QSER1: variants seen among roughly 807,000 people sequenced by gnomAD.
The protein encoded by QSER1 is glutamine and serine-rich protein 1.
QSER1 carries 49 observed loss-of-function variants against 158.5 expected under a neutral mutation model. That is an observed-to-expected ratio of 0.31 (90% CI 0.25 to 0.39). QSER1 has a LOEUF of 0.39. QSER1 is among the 10% of genes least tolerant of loss of function. The probability of loss-of-function intolerance (pLI) is 1.00; values close to 1 mark genes in which losing one functional copy is unlikely to be tolerated. For missense variants in QSER1, 1,754 were observed against 2,010.3 expected, an observed-to-expected ratio of 0.87 and a Z score of 2.44; for synonymous variants, 650 against 715.5, an observed-to-expected ratio of 0.91 and a Z score of 1.46.
At chr11:32,910,019 G>A (rs77493031) in intron 1 of QSER1, among the ~76,000 whole-genome samples, 2,829 of 152,238 alleles carry the variant, frequency 0.019, 44 homozygotes, top group South Asian at 0.038. Flanking sequence ...TGCCCACAAG[G>A]TTTTCCATGT....
rs765967014 is a variant in QSER1, at chr11:32,953,896, C to G, written c.4217C>G (p.Thr1406Ser). 1.9e-6 allele frequency: 3 copies of G among 1,613,992 alleles called. No homozygotes were observed. The highest frequency in any genetic ancestry group is 2.5e-6 in the Non-Finnish European group (3 of 1,179,984). ...GCAACTACTAGCCCAACTGCCAATA[C>G]TACTGGTACTGCTACTACTTCCTCA... ...QVATTSPTAN[T>S]TGTATTSSTT... is the part of the protein sequence containing the mutation. Residue 1406 changes from threonine to serine, a missense_variant, in exon 5 of 13, where the codon ACT becomes AGT. Thr to Ser is a moderately conservative substitution (Grantham distance 58). Coordinates refer to ENST00000650167, the MANE Select transcript of QSER1 (RefSeq NM_001076786.3).
intron 4 of QSER1, among the ~76,000 whole-genome samples, chr11:32,938,004 G>T (rs1003143681): frequency 3.3e-5 from 5 of 152,142 alleles, no homozygotes; most frequent in African/African-American, 1.2e-4. Context: ...TTCAATGAAA[G>T]CATTTACTTT....
chr11:32,956,955 G>A (rs996226801), intron 7 of QSER1, among the ~76,000 whole-genome samples: 2 of 151,704 alleles, frequency 1.3e-5, no homozygotes, highest in Non-Finnish European at 2.9e-5. Flanking sequence ...TATAGGGATG[G>A]GATTTTACCA....
intron 4 of QSER1, among the ~76,000 whole-genome samples, chr11:32,946,127 T>G (rs1178368188): frequency 6.6e-6 from 1 of 152,060 alleles, no homozygotes; most frequent in African/African-American, 2.4e-5. Flanking sequence ...TTATTCTAGT[T>G]ATACATTCTT....
intron 1 of QSER1, among the ~76,000 whole-genome samples, chr11:32,924,832 C>G (rs1851947113): frequency 6.6e-6 from 1 of 152,098 alleles, no homozygotes; most frequent in Non-Finnish European, 1.5e-5. Context: ...ATCCTGTCAC[C>G]TGGGTACTGA....
chr11:32,938,023 A>C (rs1483207031), intron 4 of QSER1, among the ~76,000 whole-genome samples: 1 of 152,214 alleles, frequency 6.6e-6, no homozygotes, highest in Non-Finnish European at 1.5e-5. Context: ...TTTGTGTTTT[A>C]ATGTGTTCAT....
chr11:32,956,592 G>A (rs1243229221), intron 7 of QSER1, among the ~76,000 whole-genome samples: 1 of 152,188 alleles, frequency 6.6e-6, no homozygotes, highest in East Asian at 1.9e-4. Context: ...GGGTTGTCTG[G>A]AGCATGAATC....
intron 4 of QSER1, 144 bp from the exon 5 acceptor site, chr11:32,953,713 G>A (rs1852462883): frequency 1.1e-5 from 10 of 924,030 alleles, no homozygotes; most frequent in Non-Finnish European, 1.6e-5. Context: ...AACATCTGTT[G>A]TCTAATTTCT....
At chr11:32,957,138 T>TTTTTTCTTTC (rs1852530359) in intron 7 of QSER1, among the ~76,000 whole-genome samples, 1 of 148,390 alleles carries the variant, frequency 6.7e-6, no homozygotes, top group South Asian at 2.2e-4. Flanking sequence ...TTTTTTCTTT[T>TTTTTTCTTTC]TTTTTTTTTT....
intron 1 of QSER1, among the ~76,000 whole-genome samples, chr11:32,917,285 C>T (rs1851844990): frequency 6.6e-6 from 1 of 152,130 alleles, no homozygotes; most frequent in Non-Finnish European, 1.5e-5. Flanking sequence ...ATTGTTTCCA[C>T]CTTTTGACTA....
intron 8 of QSER1, 64 bp from the exon 9 acceptor site, chr11:32,966,236 G>C (rs1852744591): frequency 3.2e-6 from 5 of 1,548,064 alleles, no homozygotes; most frequent in Middle Eastern, 1.7e-4. Context: ...TCTCGTTATA[G>C]AGAAAAGTGT....
At position 32,957,986 on chromosome 11, in the gene QSER1, T is replaced by C. The variant is rs761038594; in HGVS notation, c.4869T>C (p.Ala1623=). The C allele has an allele frequency of 1.2e-6, 2 of 1,614,002 alleles. No homozygotes were observed. The highest frequency in any genetic ancestry group is 3.3e-5 in the Admixed American group (2 of 60,006). ...KPKVKQPKVK[A]EPPPKKRKKW... is the part of the protein sequence containing the mutation. Reference sequence around the variant, plus strand: ...AAGTTAAACAGCCAAAAGTAAAGGCTGAGCCACCACCAAAGAAACGGAAAA... The same window carrying C: ...AAGTTAAACAGCCAAAAGTAAAGGCCGAGCCACCACCAAAGAAACGGAAAA... The change falls in exon 8 of 13, where the codon GCT becomes GCC. Residue 1623 remains alanine (A), a synonymous_variant. Transcript: ENST00000650167.
intron 1 of QSER1, among the ~76,000 whole-genome samples, chr11:32,918,325 G>A (rs1307725616): frequency 6.6e-6 from 1 of 152,104 alleles, no homozygotes; most frequent in Admixed American, 6.6e-5. Context: ...CATATAGTAT[G>A]TTGAGTGTTT....
At chr11:32,911,664 C>T (rs928547841) in intron 1 of QSER1, among the ~76,000 whole-genome samples, 2 of 152,190 alleles carry the variant, frequency 1.3e-5, no homozygotes, top group African/African-American at 4.8e-5. Context: ...GTGGCAGTTT[C>T]CCTTGCACTT....
At chr11:32,973,362 T>C in intron 10 of QSER1, 35 bp from the exon 11 acceptor site, 1 of 1,609,658 alleles carries the variant, frequency 6.2e-7, no homozygotes, top group Non-Finnish European at 8.5e-7. Context: ...TTAGTTTTCT[T>C]CTGGTGTCAG....
At chr11:32,949,832 T>TA (rs1335379451) in intron 4 of QSER1, among the ~76,000 whole-genome samples, 2 of 152,160 alleles carry the variant, frequency 1.3e-5, no homozygotes, top group Non-Finnish European at 2.9e-5. Context: ...CAAGAACAGG[T>TA]AGGCTGGCTG....
chr11:32,933,029 T>G lies in QSER1; in HGVS notation c.1771T>G (p.Ser591Ala), dbSNP rs777129767. The G allele has an allele frequency of 8.7e-6, 14 of 1,612,684 alleles. No individual in the cohort carries two copies. The South Asian group carries it at 1.5e-4, about 18-fold the overall frequency. ...TGTTAGTCTTTCAGAAAGCTATGCT[T>G]CAGGGGAGTCCCTAACATTAACAGC... is the stretch of plus-strand genomic sequence containing the variant. ...SVVSLSESYA[S>A]GESLTLTAPS... is the part of the protein sequence containing the mutation. The change falls in exon 4 of 13, where the codon TCA (serine) becomes GCA (alanine). Residue 591 changes from serine (S) to alanine (A), a missense_variant. Ser to Ala is a moderately conservative substitution (Grantham distance 99). This residue lies in a region of QSER1 where 1,707 missense variants were observed against 1,919.6 expected (regional missense o/e 0.89). Coordinates refer to ENST00000650167, the MANE Select transcript of QSER1 (RefSeq NM_001076786.3).
chr11:32,946,661 C>T (rs1484378804), intron 4 of QSER1, among the ~76,000 whole-genome samples: 2 of 152,152 alleles, frequency 1.3e-5, no homozygotes, highest in Non-Finnish European at 2.9e-5. Context: ...TTTAAGTCTG[C>T]AGAGGTTACT....
chr11:32,911,632 C>T (rs990272975), intron 1 of QSER1, among the ~76,000 whole-genome samples: 4 of 152,114 alleles, frequency 2.6e-5, no homozygotes, highest in African/African-American at 4.8e-5. Context: ...AAGGAGTTCT[C>T]GTGAGATCTG....
Sources: gnomAD v4.1 joint callset for allele counts (sites outside exome capture counted in the v4.1 genomes callset) on GRCh38, gnomAD v4.1.1 for gene constraint, gnomAD v4.1.1 regional missense constraint, MANE v1.5 for transcripts, NCBI Gene and HGNC (gene_info 2026-07-23, HGNC 2026-07-21) for gene names.